ROBO1: variants seen among roughly 807,000 people sequenced by gnomAD.
ROBO1 encodes roundabout guidance receptor 1.
ROBO1 carries 149 observed loss-of-function variants against 195.9 expected under a neutral mutation model. The observed-to-expected ratio is 0.76, with a 90% CI of 0.67 to 0.87. The LOEUF (loss-of-function observed/expected upper bound fraction) is 0.87, where lower values mean the gene tolerates loss of function less well. Among genes scored for constraint, ROBO1 ranks in the 40% least tolerant of loss-of-function variants. ROBO1 has a pLI of 0.00. For missense variants in ROBO1, 1,933 were observed against 2,068.3 expected (o/e 0.93, Z 1.27); for synonymous variants, 816 against 733.2 (o/e 1.11, Z -1.82).
intron 3 of ROBO1, among the ~76,000 whole-genome samples, chr3:79,037,892 T>A (rs1327191040): frequency 2.6e-5 from 4 of 152,208 alleles, no homozygotes; most frequent in African/African-American, 9.6e-5. Flanking sequence ...TGATGTCTTA[T>A]TCTCAAAGAG....
At chr3:79,466,889 G>C (rs1050409893) in intron 2 of ROBO1, among the ~76,000 whole-genome samples, 8 of 152,250 alleles carry the variant, frequency 5.3e-5, no homozygotes, top group Non-Finnish European at 1.0e-4. Flanking sequence ...GAACTGATTG[G>C]AATATATCCA....
chr3:79,331,958 C>T (rs1049899120), intron 2 of ROBO1, among the ~76,000 whole-genome samples: 5 of 151,840 alleles, frequency 3.3e-5, no homozygotes, highest in Non-Finnish European at 5.9e-5. Context: ...CTGGCTAACA[C>T]GGTGAAACCC....
intron 2 of ROBO1, among the ~76,000 whole-genome samples, chr3:79,548,173 C>T (rs1942342828): frequency 6.6e-6 from 1 of 152,166 alleles, no homozygotes; most frequent in Non-Finnish European, 1.5e-5. Context: ...AACTTCCTCA[C>T]CCAAGGAGAC....
intron 2 of ROBO1, among the ~76,000 whole-genome samples, chr3:79,259,087 T>C (rs1056556384): frequency 6.6e-6 from 1 of 152,140 alleles, no homozygotes; most frequent in Non-Finnish European, 1.5e-5. Context: ...TACTTTTTTT[T>C]CCATTCCCTC....
chr3:79,113,436 A>G (rs2079929454), intron 3 of ROBO1, among the ~76,000 whole-genome samples: 1 of 152,026 alleles, frequency 6.6e-6, no homozygotes, highest in Non-Finnish European at 1.5e-5. Flanking sequence ...TCTATAGTAA[A>G]TATAAAAATC....
rs181852603 is a variant in ROBO1 at position 78,642,210 on chromosome 3, G to A, written c.2883-2312C>T. On this transcript the variant is annotated intron_variant, in intron 21 of 30. Transcript: ENST00000464233. ...TAATATAATAAGTGGATAGATTTGC[G>A]TCATGAAGAAAAAAGAGGGCAAATG... 3.1e-3 allele frequency among the ~76,000 whole-genome samples: 478 copies of A among 152,116 alleles called. 3 individuals are homozygous for A. The Middle Eastern group carries it at 0.034, about 11-fold the overall frequency.
chr3:79,205,292 C>A (rs2081846872), intron 2 of ROBO1, among the ~76,000 whole-genome samples: 1 of 152,066 alleles, frequency 6.6e-6, no homozygotes, highest in Non-Finnish European at 1.5e-5. Context: ...CCATGTCCGG[C>A]CTCTAGAGGA....
chr3:79,408,206 GA>G (rs1181007316), intron 2 of ROBO1, among the ~76,000 whole-genome samples: 1 of 149,994 alleles, frequency 6.7e-6, no homozygotes, highest in African/African-American at 2.4e-5. Flanking sequence ...CAACAAGAGT[GA>G]AATTCCGTCT....
intron 4 of ROBO1, among the ~76,000 whole-genome samples, chr3:78,844,835 A>G (rs996908283): frequency 1.3e-5 from 2 of 152,076 alleles, no homozygotes; most frequent in African/African-American, 4.8e-5. Context: ...CTTCCATTTG[A>G]GTGTAGGTAA....
At chr3:79,041,911 A>G (rs1488471424) in intron 3 of ROBO1, among the ~76,000 whole-genome samples, 1 of 152,168 alleles carries the variant, frequency 6.6e-6, no homozygotes, top group Non-Finnish European at 1.5e-5. Flanking sequence ...TTTTGCTCTT[A>G]GTTCTTTATT....
At chr3:78,927,232 C>G (rs553741066) in intron 4 of ROBO1, among the ~76,000 whole-genome samples, 2 of 152,246 alleles carry the variant, frequency 1.3e-5, no homozygotes, top group African/African-American at 4.8e-5. Context: ...TAGGACAGAA[C>G]AAAACATTCC....
chr3:78,813,250 ACAC>A (rs2084798041), intron 4 of ROBO1, among the ~76,000 whole-genome samples: 1 of 81,116 alleles, frequency 1.2e-5, no homozygotes, highest in South Asian at 6.5e-4. Context: ...ATGCACACAC[ACAC>A]ACACACACAC....
chr3:78,668,348 A>G, intron 12 of ROBO1, 46 bp from the exon 13 acceptor site: 1 of 1,605,566 alleles, frequency 6.2e-7, no homozygotes, highest in Non-Finnish European at 8.5e-7. Flanking sequence ...TTACACATAC[A>G]CAGATAAGCG....
chr3:79,436,491 A>G (rs2038894748), intron 2 of ROBO1, among the ~76,000 whole-genome samples: 1 of 152,010 alleles, frequency 6.6e-6, no homozygotes, highest in Admixed American at 6.6e-5. Context: ...CTTATATTTA[A>G]TATTTATTAC....
intron 1 of ROBO1, among the ~76,000 whole-genome samples, chr3:79,763,705 G>T (rs2107530741): frequency 6.6e-6 from 1 of 152,262 alleles, no homozygotes; most frequent in African/African-American, 2.4e-5. Flanking sequence ...CCCCAGAGAT[G>T]ATACAGGCAG....
At chr3:79,481,886 T>G (rs1938880681) in intron 2 of ROBO1, among the ~76,000 whole-genome samples, 1 of 152,186 alleles carries the variant, frequency 6.6e-6, no homozygotes, top group Admixed American at 6.5e-5. Flanking sequence ...AAAAATTATG[T>G]GAAACAAGAG....
At chr3:79,068,578 T>C (rs1034724273) in intron 3 of ROBO1, among the ~76,000 whole-genome samples, 2 of 151,898 alleles carry the variant, frequency 1.3e-5, no homozygotes, top group African/African-American at 4.8e-5. Context: ...TTTGGTGACC[T>C]TAAATCTATT....
At chr3:78,864,749 T>C (rs1257302734) in intron 4 of ROBO1, among the ~76,000 whole-genome samples, 2 of 152,000 alleles carry the variant, frequency 1.3e-5, no homozygotes, top group East Asian at 3.9e-4. Context: ...CACTATGTTC[T>C]TTTGTAGAAC....
intron 4 of ROBO1, among the ~76,000 whole-genome samples, chr3:78,751,112 T>C (rs969126681): frequency 5.9e-5 from 9 of 152,202 alleles, no homozygotes; most frequent in African/African-American, 2.2e-4. Context: ...TAGGCTCAAG[T>C]GCTCAAGTGA....
Sources: allele counts gnomAD v4.1 joint callset (sites outside exome capture counted in the v4.1 genomes callset), GRCh38; gene constraint gnomAD v4.1.1; transcripts MANE v1.5; gene names NCBI Gene and HGNC (gene_info 2026-07-23, HGNC 2026-07-21).